PDE11A: variants seen among roughly 807,000 people sequenced by gnomAD.
The protein encoded by PDE11A is phosphodiesterase 11A.
Under a neutral mutation model 100.5 loss-of-function variants are expected in PDE11A, and 100 were observed. That is an observed-to-expected ratio of 1.00 (90% CI 0.85 to 1.18). PDE11A has a LOEUF of 1.18. Ranked by LOEUF, PDE11A falls within the 50% of genes most tolerant of loss-of-function variation. The pLI is 0.00. For synonymous variants in PDE11A, 381 were observed against 420.8 expected, an observed-to-expected ratio of 0.91 and a Z score of 1.16; for missense variants, 1,141 against 1,152.6, an observed-to-expected ratio of 0.99 and a Z score of 0.15.
At chr2:177,909,489 A>G (rs1454817814) in intron 2 of PDE11A, among the ~76,000 whole-genome samples, 3 of 152,306 alleles carry the variant, frequency 2.0e-5, no homozygotes, top group East Asian at 1.9e-4. Context: ...CAAGTTTACC[A>G]CTAGTTTCAG....
chr2:178,073,304 A>C (rs1298720617), upstream of PDE11A, among the ~76,000 whole-genome samples: 2 of 152,188 alleles, frequency 1.3e-5, no homozygotes, highest in Non-Finnish European at 2.9e-5. Context: ...GTAAATATTA[A>C]TGGAATGGCA....
intron 15 of PDE11A, among the ~76,000 whole-genome samples, chr2:177,688,837 A>G (rs1249913209): frequency 6.6e-6 from 1 of 152,254 alleles, no homozygotes; most frequent in Admixed American, 6.5e-5. Flanking sequence ...CACCACATTG[A>G]AAAACTTTCT....
chr2:177,705,272 CTT>C (rs1390517799), intron 13 of PDE11A, among the ~76,000 whole-genome samples: 1 of 151,460 alleles, frequency 6.6e-6, no homozygotes, highest in Non-Finnish European at 1.5e-5. Flanking sequence ...AAAAAATTGA[CTT>C]TAACAGCACA....
At chr2:177,769,235 T>A (rs1435113332) in intron 10 of PDE11A, 88 bp downstream of exon 10, 1 of 815,750 alleles carries the variant, frequency 1.2e-6, no homozygotes, top group Non-Finnish European at 2.2e-6. Flanking sequence ...ATGGGCAGGA[T>A]TAATTCTCTA....
intron 4 of PDE11A, among the ~76,000 whole-genome samples, chr2:177,897,664 C>T (rs2084631298): frequency 6.6e-6 from 1 of 152,202 alleles, no homozygotes; most frequent in Non-Finnish European, 1.5e-5. Flanking sequence ...ATGGAGCATT[C>T]TCTGGACTGA....
intron 1 of PDE11A, among the ~76,000 whole-genome samples, chr2:178,064,784 T>C (rs1455124994): frequency 6.6e-6 from 1 of 151,902 alleles, no homozygotes; most frequent in Non-Finnish European, 1.5e-5. Flanking sequence ...CATAGTAAGA[T>C]CTTGTCTCTA....
At chr2:177,819,291 AC>A (rs2083096231) in intron 7 of PDE11A, among the ~76,000 whole-genome samples, 1 of 152,208 alleles carries the variant, frequency 6.6e-6, no homozygotes, top group East Asian at 1.9e-4. Context: ...TCTTAAAAAC[AC>A]TCACAGAATA....
intron 9 of PDE11A, among the ~76,000 whole-genome samples, chr2:177,771,619 T>C (rs1168923890): frequency 1.3e-5 from 2 of 152,214 alleles, no homozygotes; most frequent in Non-Finnish European, 2.9e-5. Flanking sequence ...CTTTTAATTA[T>C]TTTTAATTGG....
At chr2:177,784,598 A>T (rs1574138237) in intron 9 of PDE11A, among the ~76,000 whole-genome samples, 1 of 152,218 alleles carries the variant, frequency 6.6e-6, no homozygotes, top group East Asian at 1.9e-4. Flanking sequence ...TAGTTAATAA[A>T]GTTGCTTTCA....
intron 2 of PDE11A, among the ~76,000 whole-genome samples, chr2:177,994,509 T>C (rs2086045979): frequency 6.6e-6 from 1 of 152,212 alleles, no homozygotes; most frequent in Non-Finnish European, 1.5e-5. Flanking sequence ...AAGGATCACC[T>C]TCCAGGTGAA....
intron 10 of PDE11A, among the ~76,000 whole-genome samples, chr2:177,742,662 T>G (rs2081890449): frequency 6.6e-6 from 1 of 152,212 alleles, no homozygotes; most frequent in South Asian, 2.1e-4. Context: ...TGCCTCATTT[T>G]TGTACCAGCT....
chr2:177,921,114 A>G (rs1272918126), intron 2 of PDE11A, among the ~76,000 whole-genome samples: 3 of 148,638 alleles, frequency 2.0e-5, no homozygotes, highest in Non-Finnish European at 4.5e-5. Context: ...TTTTAGTATT[A>G]GGAAAGAAAT....
chr2:177,674,173 C>T (rs1454938738), intron 17 of PDE11A, among the ~76,000 whole-genome samples: 1 of 152,222 alleles, frequency 6.6e-6, no homozygotes, highest in African/African-American at 2.4e-5. Flanking sequence ...GCTCTGCCAC[C>T]TACAAGCTGT....
intron 5 of PDE11A, among the ~76,000 whole-genome samples, chr2:177,850,687 A>C (rs1408675286): frequency 6.6e-6 from 1 of 152,234 alleles, no homozygotes; most frequent in Admixed American, 6.5e-5. Flanking sequence ...ACAAATTTAC[A>C]AGAAAAAAAC....
At position 177,991,567 on chromosome 2, in the gene PDE11A, G is replaced by A. The variant is rs1436093120; in HGVS notation, c.1071+22735C>T. ...GGAGTATCACTTGAACCCAGGAGGC[G>A]GAGGTTGCAGTGTGCCGAGACCACA... On this transcript the variant is annotated intron_variant, in intron 2 of 19. Transcript: ENST00000286063. 2.7e-5 allele frequency among the ~76,000 whole-genome samples: 4 copies of A among 150,134 alleles called. 1 individual carries two copies. The highest frequency in any genetic ancestry group is 5.9e-5 in the Non-Finnish European group (4 of 67,568).
chr2:178,012,726 G>T (rs1275130384), intron 2 of PDE11A, among the ~76,000 whole-genome samples: 1 of 152,096 alleles, frequency 6.6e-6, no homozygotes, highest in Non-Finnish European at 1.5e-5. Flanking sequence ...AACATAAATG[G>T]AATCAAAGAT....
chr2:178,053,392 C>T (rs1282163222), intron 1 of PDE11A, among the ~76,000 whole-genome samples: 1 of 152,138 alleles, frequency 6.6e-6, no homozygotes, highest in Non-Finnish European at 1.5e-5. Context: ...TTATGACAGA[C>T]CCACAGCCAA....
chr2:177,926,625 G>A (rs1236238739), intron 2 of PDE11A, among the ~76,000 whole-genome samples: 2 of 152,182 alleles, frequency 1.3e-5, no homozygotes, highest in Admixed American at 1.3e-4. Context: ...AGAAAGGATT[G>A]CTTCTCAGAT....
intron 10 of PDE11A, among the ~76,000 whole-genome samples, chr2:177,748,236 A>G (rs1366643189): frequency 1.3e-5 from 2 of 152,242 alleles, no homozygotes; most frequent in Non-Finnish European, 2.9e-5. Flanking sequence ...TTTCAAAGTC[A>G]GAATTACCAC....
Sources: allele counts gnomAD v4.1 joint callset (sites outside exome capture counted in the v4.1 genomes callset), GRCh38; gene constraint gnomAD v4.1.1; transcripts MANE v1.5; gene names NCBI Gene and HGNC (gene_info 2026-07-23, HGNC 2026-07-21).